Variants in CWH43 observed in about 807,000 individuals in gnomAD.
CWH43 encodes PGAP2-interacting protein.
A neutral mutation model predicts 85.7 loss-of-function variants in CWH43; 91 were observed. That is an observed-to-expected ratio of 1.06 (90% CI 0.90 to 1.26). The LOEUF (loss-of-function observed/expected upper bound fraction) is 1.26, where lower values mean the gene tolerates loss of function less well. Ranked by LOEUF, CWH43 falls within the 50% of genes most tolerant of loss-of-function variation. CWH43 has a pLI of 0.00. For missense variants in CWH43, 869 were observed against 839.2 expected (o/e 1.04, Z -0.44); for synonymous variants, 323 against 293.6 (o/e 1.10, Z -1.02).
At position 48,991,952 on chromosome 4, in the gene CWH43, G is replaced by T. The variant is rs765329114; in HGVS notation, c.373G>T (p.Gly125Ter). The stretch of plus-strand genomic sequence containing the variant: ...CACTTACAGGTACCTCAGAATTTGG[G>T]GATTCATTTTAGGACAGATTGTTCT... ...SHLQRYLRIW[G>*]FILGQIVLVV... Residue 125 changes from glycine (G) to a stop codon, truncating the protein, a stop_gained, in exon 4 of 16, where the codon GGA (glycine) becomes TGA (stop). Transcript: ENST00000226432. LOFTEE classifies it high-confidence loss of function. 1 of 1,612,120 alleles carries T rather than the reference G, an allele frequency of 6.2e-7. No individual in the cohort carries two copies. The highest frequency in any genetic ancestry group is 1.3e-5 in the African/African-American group (1 of 74,968).
At chr4:49,012,060 A>C (rs1159231479) in intron 8 of CWH43, among the ~76,000 whole-genome samples, 4 of 152,108 alleles carry the variant, frequency 2.6e-5, no homozygotes, top group African/African-American at 7.2e-5. Flanking sequence ...TAATATCCTG[A>C]AGAGTGTTTT....
intron 11 of CWH43, among the ~76,000 whole-genome samples, chr4:49,032,228 G>A (rs1480353340): frequency 6.6e-6 from 1 of 152,208 alleles, no homozygotes; most frequent in Non-Finnish European, 1.5e-5. Context: ...CTTCCCATAT[G>A]TGTTGATTAA....
intron 14 of CWH43, among the ~76,000 whole-genome samples, chr4:49,049,424 C>T (rs1201543730): frequency 6.6e-6 from 1 of 152,074 alleles, no homozygotes; most frequent in African/African-American, 2.4e-5. Context: ...CATAACTTGT[C>T]TCCCTGCTTT....
chr4:49,044,951 G>C (rs1370526563), intron 14 of CWH43, 104 bp downstream of exon 14: 8 of 854,432 alleles, frequency 9.4e-6, no homozygotes, highest in Non-Finnish European at 1.5e-5. Context: ...AATTTTTGTT[G>C]CTTTTTATAA....
At chr4:48,986,728 G>T in intron 1 of CWH43, 1 of 1,334,448 alleles carries the variant, frequency 7.5e-7, no homozygotes, top group East Asian at 3.0e-5. Flanking sequence ...CAGCAGCCCT[G>T]GGATTGTGCC....
In CWH43 at chr4:48,986,330, G is replaced by A. The variant is rs1782492401; in HGVS notation, c.-100G>A. ...GCGGGAACGAGGGGCGCGGACGCAG[G>A]CCCGGGAGGACGCGGCGGCGGGAAC... is the stretch of plus-strand genomic sequence containing the variant. On this transcript the variant is annotated 5_prime_UTR_variant, in exon 1 of 16. Transcript: ENST00000226432. The A allele has an allele frequency of 8.4e-7, 1 of 1,187,722 alleles. No individual in the cohort carries two copies. Among genetic ancestry groups the A allele is most frequent in the Non-Finnish European group, 1.2e-6 (1 of 849,072 alleles). The allele number at this position is 1,187,722 out of a possible 1,614,324, so 73.6% of individuals were successfully genotyped here.
intron 9 of CWH43, among the ~76,000 whole-genome samples, chr4:49,019,073 A>G (rs1783653655): frequency 6.6e-6 from 1 of 152,310 alleles, no homozygotes; most frequent in Admixed American, 6.5e-5. Context: ...CATTTGGCTA[A>G]TGATTACCAA....
At chr4:49,019,627 TG>T (rs1313441304) in intron 9 of CWH43, among the ~76,000 whole-genome samples, 9 of 152,208 alleles carry the variant, frequency 5.9e-5, no homozygotes, top group African/African-American at 2.2e-4. Flanking sequence ...TAACCCAGGC[TG>T]GGGTGCAGTG....
intron 6 of CWH43, among the ~76,000 whole-genome samples, chr4:48,999,891 C>T (rs1782934988): frequency 6.6e-6 from 1 of 152,122 alleles, no homozygotes; most frequent in Non-Finnish European, 1.5e-5. Flanking sequence ...CCAGAAGTAT[C>T]AGTGAAGACA....
intron 2 of CWH43, among the ~76,000 whole-genome samples, chr4:48,989,764 AGT>A (rs1782600052): frequency 6.6e-6 from 1 of 152,220 alleles, no homozygotes; most frequent in Non-Finnish European, 1.5e-5. Context: ...TCAGAAGGAT[AGT>A]GGTAAAAACT....
chr4:49,051,048 T>C (rs1784780419), intron 15 of CWH43, among the ~76,000 whole-genome samples, 199 bp downstream of exon 15: 1 of 152,208 alleles, frequency 6.6e-6, no homozygotes, highest in Non-Finnish European at 1.5e-5. Context: ...AAATATGTTG[T>C]AACCTCAGGT....
At position 49,038,126 on chromosome 4, in the gene CWH43, T is replaced by C. The variant is rs752926197; in HGVS notation, c.1749T>C (p.Thr583=). The C allele has an allele frequency of 3.7e-6, 6 of 1,612,040 alleles. No individual in the cohort carries two copies. The highest frequency in any genetic ancestry group is 3.3e-5 in the Admixed American group (2 of 59,850). ...SNQVIFLGYI[T]SAPGSRDYLQ... is the part of the protein sequence containing the mutation. ...AAGTGATATTTCTGGGATATATCAC[T>C]TCAGCACCTGGCTCCAGAGATTATC... Residue 583 remains threonine (T), a synonymous_variant, in exon 13 of 16, where the codon ACT becomes ACC. Transcript: ENST00000226432.
chr4:49,052,287 C>T (rs1486377014), intron 15 of CWH43, among the ~76,000 whole-genome samples: 1 of 152,114 alleles, frequency 6.6e-6, no homozygotes. Flanking sequence ...TCACTCTTGC[C>T]AGTGAACAGC....
intron 9 of CWH43, among the ~76,000 whole-genome samples, chr4:49,020,108 C>T (rs1783692111): frequency 6.6e-6 from 1 of 151,896 alleles, no homozygotes; most frequent in African/African-American, 2.4e-5. Flanking sequence ...GCAGTCATCA[C>T]CTGAGCAGTT....
chr4:48,988,327 C>CGT, intron 1 of CWH43, 150 bp from the exon 2 acceptor site: 3 of 448,290 alleles, frequency 6.7e-6, no homozygotes, highest in South Asian at 6.9e-5. Flanking sequence ...TTGTTTTGTT[C>CGT]CATGTCAGTG....
Position 49,022,810 on chromosome 4 carries a change from T to C in CWH43, c.1266+5482T>C, listed in dbSNP as rs1282850694. ...TATTTCCAGAAATTTATCCATCTCC[T>C]CTAGGTTTTCTAGTTTATGTATATA... On this transcript the variant is annotated intron_variant, in intron 9 of 15. Coordinates refer to ENST00000226432, the MANE Select transcript of CWH43 (RefSeq NM_025087.3). Among the ~76,000 whole-genome samples the C allele has an allele frequency of 2.6e-5, 4 of 152,174 alleles. No individual in the cohort carries two copies. The East Asian group carries it at 7.7e-4, about 29-fold the overall frequency.
At chr4:49,039,382 G>GATAT (rs36177079) in intron 13 of CWH43, among the ~76,000 whole-genome samples, 35 of 86,052 alleles carry the variant, frequency 4.1e-4, no homozygotes, top group Non-Finnish European at 6.8e-4. Flanking sequence ...TATATATACT[G>GATAT]ATATATATAT....
chr4:49,055,491 G>A (rs1470010208), intron 15 of CWH43, among the ~76,000 whole-genome samples: 2 of 152,010 alleles, frequency 1.3e-5, no homozygotes, highest in African/African-American at 4.8e-5. Context: ...GTCTGGCTTT[G>A]GTATCAGGCT....
intron 10 of CWH43, 94 bp from the exon 11 acceptor site, chr4:49,030,730 GA>G: frequency 1.5e-5 from 18 of 1,238,608 alleles, no homozygotes; most frequent in East Asian, 5.6e-5. Context: ...TATCAGTAAA[GA>G]AAAAAAGGTT....
Sources: allele counts gnomAD v4.1 joint callset (sites outside exome capture counted in the v4.1 genomes callset), GRCh38; gene constraint gnomAD v4.1.1; transcripts MANE v1.5; gene names NCBI Gene and HGNC (gene_info 2026-07-23, HGNC 2026-07-21).